The following CFAP77 variants were observed in gnomAD, a reference collection of about 807,000 sequenced individuals.
CFAP77 encodes the protein cilia and flagella associated protein 77, also known as cilia- and flagella-associated protein 77.
CFAP77 carries 25 observed loss-of-function variants against 31.1 expected under a neutral mutation model. The observed-to-expected ratio is 0.80, with a 90% CI of 0.59 to 1.12. CFAP77 has a LOEUF of 1.12. Among genes scored for constraint, CFAP77 ranks in the 50% most tolerant of loss-of-function variants. CFAP77 has a pLI of 0.00. For synonymous variants in CFAP77, 151 were observed against 159.9 expected (o/e 0.94, Z 0.42); for missense variants, 377 against 397.3 (o/e 0.95, Z 0.44).
intron 3 of CFAP77, among the ~76,000 whole-genome samples, chr9:132,521,010 A>G (rs117654645): frequency 6.6e-6 from 1 of 152,268 alleles, no homozygotes; most frequent in Non-Finnish European, 1.5e-5. Context: ...CTGAAGATTC[A>G]TAAGGAACAG....
intron 3 of CFAP77, among the ~76,000 whole-genome samples, chr9:132,533,894 A>AT (rs1263275852): frequency 6.6e-6 from 1 of 152,316 alleles, no homozygotes; most frequent in East Asian, 1.9e-4. Context: ...AAGAAAAAAA[A>AT]GGAAAAGAAA....
chr9:132,450,801 G>C (rs890744298), intron 1 of CFAP77, among the ~76,000 whole-genome samples: 1 of 152,240 alleles, frequency 6.6e-6, no homozygotes, highest in Non-Finnish European at 1.5e-5. Context: ...GCCCGGATTG[G>C]AGCGGGTAAG....
intron 1 of CFAP77, among the ~76,000 whole-genome samples, chr9:132,415,695 G>A (rs541412902): frequency 6.6e-6 from 1 of 152,302 alleles, no homozygotes; most frequent in South Asian, 2.1e-4. Context: ...CCAGGCTCAA[G>A]CGTTGCTCAC....
rs61265124 is a variant in CFAP77, at chr9:132,485,985, CATATATATATATATAT to C, written c.196-12669_196-12654del. On this transcript the variant is annotated intron_variant, in intron 1 of 5. Transcript: ENST00000393216. The stretch of plus-strand genomic sequence containing the variant: ...TGCTGGGATTTGAGAACACACACCT[CATATATATATATATAT>C]ATATATATATATATATATATATATA... Among the ~76,000 whole-genome samples, 36 of 53,574 alleles carry C rather than the reference CATATATATATATATAT, an allele frequency of 6.7e-4. 1 individual carries two copies. The highest frequency in any genetic ancestry group is 5.4e-3 in the South Asian group (8 of 1,472). The allele number at this position is 53,574 out of a possible 152,430, so 35.1% of individuals were successfully genotyped here.
In CFAP77 at chr9:132,503,099, C is replaced by G. The variant is rs145292627; in HGVS notation, c.524+3499C>G. ...CATTTCTATTCACCAGCCCTGAAAC[C>G]AGGAAGGTGACACTAGAGACACCTT... On this transcript the variant is annotated intron_variant, in intron 3 of 5. Transcript: ENST00000393216. Among the ~76,000 whole-genome samples, 1,449 of 152,314 alleles carry G rather than the reference C, an allele frequency of 9.5e-3. 14 individuals carry two copies. Among genetic ancestry groups the G allele is most frequent in the South Asian group, 0.024 (115 of 4,824 alleles).
chr9:132,410,492 T>G, intron 1 of CFAP77, 26 bp downstream of exon 1: 7 of 1,528,440 alleles, frequency 4.6e-6, no homozygotes, highest in Non-Finnish European at 6.1e-6. Flanking sequence ...CCACCGCGCT[T>G]TCGCTGTCGC....
chr9:132,516,038 A>G (rs1317317284), intron 3 of CFAP77, among the ~76,000 whole-genome samples: 1 of 152,186 alleles, frequency 6.6e-6, no homozygotes, highest in African/African-American at 2.4e-5. Flanking sequence ...GTGTAAGGCT[A>G]TAGGGAGTGG....
At chr9:132,471,678 G>A (rs1851260351) in intron 1 of CFAP77, among the ~76,000 whole-genome samples, 1 of 142,378 alleles carries the variant, frequency 7.0e-6, no homozygotes, top group Admixed American at 7.4e-5. Context: ...TTGTGAGAGA[G>A]GGGGGTTGTT....
Position 132,522,821 on chromosome 9 carries a change from TG to T in CFAP77, c.525-14778del, listed in dbSNP as rs149340520. On this transcript the variant is annotated intron_variant, in intron 3 of 5. Coordinates refer to ENST00000393216, the MANE Select transcript of CFAP77 (RefSeq NM_001282957.2). ...GAGAGTTCTGATCTGATGTTCGGTGTGGACCTGTGCATGGTAGGCGGAGCTG... is the reference window on the plus strand; with the variant it reads ...GAGAGTTCTGATCTGATGTTCGGTGTGACCTGTGCATGGTAGGCGGAGCTG... 1.9e-3 allele frequency among the ~76,000 whole-genome samples: 294 copies of T among 152,316 alleles called. 8 individuals carry two copies. In the East Asian group the frequency reaches 0.052, roughly 27 times the overall value.
At chr9:132,456,283 G>T (rs1467604494) in intron 1 of CFAP77, among the ~76,000 whole-genome samples, 1 of 152,202 alleles carries the variant, frequency 6.6e-6, no homozygotes, top group Non-Finnish European at 1.5e-5. Flanking sequence ...AGTAGCTGTT[G>T]TCCTGCCCCC....
In CFAP77 at chr9:132,459,781, C is replaced by T. The variant is rs532636828; in HGVS notation, c.196-38914C>T. Among the ~76,000 whole-genome samples, 127 of 144,060 alleles carry T rather than the reference C, an allele frequency of 8.8e-4. 1 individual carries two copies. Among genetic ancestry groups the T allele is most frequent in the Admixed American group, 3.0e-3 (43 of 14,418 alleles). 94.5% of individuals were successfully genotyped at this position (144,060 alleles called of 152,430 possible). A position where few individuals can be genotyped will look rare whatever the true frequency, so the allele number is the denominator to read the frequency against. The stretch of plus-strand genomic sequence containing the variant: ...GTGTGTGTATGAGTGTGTGTGAGAG[C>T]GTGTGTGTATGTGAGAGCGATGTGT... On this transcript the variant is annotated intron_variant, in intron 1 of 5. Transcript: ENST00000393216.
At chr9:132,543,099 C>T (rs1235318769) in intron 5 of CFAP77, 52 bp downstream of exon 5, 1 of 1,491,126 alleles carries the variant, frequency 6.7e-7, no homozygotes, top group South Asian at 1.1e-5. Context: ...GGCTGCCGCT[C>T]ACCTTGCCAG....
intron 3 of CFAP77, among the ~76,000 whole-genome samples, chr9:132,531,625 T>TGGG (rs57104311): frequency 0.029 from 1,883 of 65,454 alleles, 131 homozygotes; most frequent in African/African-American, 0.086. Flanking sequence ...GGCTAAGACA[T>TGGG]GGGGGGGGGG....
At chr9:132,414,014 A>G (rs992442273) in intron 1 of CFAP77, among the ~76,000 whole-genome samples, 8 of 152,196 alleles carry the variant, frequency 5.3e-5, no homozygotes, top group African/African-American at 1.9e-4. Context: ...GAACAGACTC[A>G]TCCGAGGTGC....
At chr9:132,470,785 G>T (rs1416388519) in intron 1 of CFAP77, among the ~76,000 whole-genome samples, 1 of 152,178 alleles carries the variant, frequency 6.6e-6, no homozygotes, top group African/African-American at 2.4e-5. Flanking sequence ...AAGGTGGGTG[G>T]ATCACTTGAG....
At position 132,519,619 on chromosome 9, in the gene CFAP77, G is replaced by GA. The variant is rs1491370353; in HGVS notation, c.525-17982_525-17981insA. On this transcript the variant is annotated intron_variant, in intron 3 of 5. Coordinates refer to ENST00000393216, the MANE Select transcript of CFAP77 (RefSeq NM_001282957.2). ...GGATGGATGGATGGATGGATGGATG[G>GA]TTGGGTGGGTAGGTGGATGGGCAGA... is the stretch of plus-strand genomic sequence containing the variant. 2.0e-3 allele frequency among the ~76,000 whole-genome samples: 261 copies of GA among 130,566 alleles called. 2 individuals carry two copies. The highest frequency in any genetic ancestry group is 6.0e-3 in the African/African-American group (203 of 33,920). The allele number at this position is 130,566 out of a possible 152,430, so 85.7% of individuals were successfully genotyped here. A position where few individuals can be genotyped will look rare whatever the true frequency, so the allele number is the denominator to read the frequency against.
intron 1 of CFAP77, among the ~76,000 whole-genome samples, chr9:132,417,089 C>G (rs1850115849): frequency 6.6e-6 from 1 of 151,740 alleles, no homozygotes; most frequent in Non-Finnish European, 1.5e-5. Flanking sequence ...TAAAATGATT[C>G]CAGACTGCAG....
chr9:132,451,961 T>C (rs117252798), intron 1 of CFAP77, among the ~76,000 whole-genome samples: 3,289 of 152,048 alleles, frequency 0.022, 224 homozygotes, highest in Admixed American at 0.14. Context: ...TGTGCCACTA[T>C]GCCCGACTAA....
intron 1 of CFAP77, among the ~76,000 whole-genome samples, chr9:132,438,541 A>ATATTTTT: frequency 9.2e-6 from 1 of 108,128 alleles, no homozygotes; most frequent in Non-Finnish European, 1.8e-5. Flanking sequence ...ATATATATAT[A>ATATTTTT]TTTTTTTTTT....
Sources: allele counts gnomAD v4.1 joint callset (sites outside exome capture counted in the v4.1 genomes callset), GRCh38; gene constraint gnomAD v4.1.1; transcripts MANE v1.5; gene names NCBI Gene and HGNC (gene_info 2026-07-23, HGNC 2026-07-21).